GSE1: variants seen among roughly 807,000 people sequenced by gnomAD.
GSE1 encodes the protein Gse1 coiled-coil protein, also known as genetic suppressor element 1.
A neutral mutation model predicts 112.6 loss-of-function variants in GSE1; 32 were observed. That is an observed-to-expected ratio of 0.28 (90% CI 0.21 to 0.38). The LOEUF is 0.38. Ranked by LOEUF, GSE1 falls within the 10% of genes least tolerant of loss-of-function variation. GSE1 has a pLI of 1.00. For missense variants in GSE1, 2,348 were observed against 1,699.2 expected, an observed-to-expected ratio of 1.38 and a Z score of -6.71; for synonymous variants, 1,115 against 735.6, an observed-to-expected ratio of 1.52 and a Z score of -8.35.
rs78265480 is a variant in GSE1 at position 85,432,936 on chromosome 16, A to G, written c.2464+75293A>G. On this transcript the variant is annotated intron_variant, in intron 2 of 2. Transcript: ENST00000637419. ...TCCAGGACTTACTGGGGTGGCAGAT[A>G]GGGACTGATCTGGCATCCAGAGGCC... Among the ~76,000 whole-genome samples, 450 of 152,194 alleles carry G rather than the reference A, an allele frequency of 3.0e-3. 4 individuals carry two copies. The highest frequency in any genetic ancestry group is 0.01 in the African/African-American group (430 of 41,498).
rs117021414 is a variant in GSE1, at chr16:85,246,110, A to C, written c.2283+74303A>C. Among the ~76,000 whole-genome samples, 1,424 of 151,568 alleles carry C rather than the reference A, an allele frequency of 9.4e-3. 9 individuals carry two copies. The highest frequency in any genetic ancestry group is 0.015 in the Non-Finnish European group (1,002 of 67,838). On this transcript the variant is annotated intron_variant, in intron 1 of 2. Coordinates refer to the GSE1 transcript ENST00000637419. ...TGAGTTGCAGGAAACCTGAGACCAC[A>C]CACACTAGCACCCGTGTTTTCCTGG...
rs2046719732 is a variant in GSE1 at position 85,345,665 on chromosome 16, C to T, written c.2284-11798C>T. Among the ~76,000 whole-genome samples, 3 of 152,170 alleles carry T rather than the reference C, an allele frequency of 2.0e-5. No individual in the cohort carries two copies. In the South Asian group the frequency reaches 6.2e-4, roughly 32 times the overall value. ...TCCATCCTGTTCTTGTGCTGTTTGTCCTTATGGCACTTCCTACTGATGGAC... is the reference window on the plus strand; with the variant it reads ...TCCATCCTGTTCTTGTGCTGTTTGTTCTTATGGCACTTCCTACTGATGGAC... On this transcript the variant is annotated intron_variant, in intron 1 of 2. Transcript: ENST00000637419.
At chr16:85,533,222 G>A (rs1387760747) in intron 2 of GSE1, among the ~76,000 whole-genome samples, 2 of 150,890 alleles carry the variant, frequency 1.3e-5, no homozygotes, top group Non-Finnish European at 2.9e-5. Flanking sequence ...AGACCAGCCT[G>A]ACCATGGCGA....
chr16:85,509,968 T>A (rs559161637), intron 2 of GSE1, among the ~76,000 whole-genome samples: 2 of 152,332 alleles, frequency 1.3e-5, no homozygotes, highest in Non-Finnish European at 2.9e-5. Flanking sequence ...CACAAATTTT[T>A]GCCGGATTTG....
intron 2 of GSE1, among the ~76,000 whole-genome samples, chr16:85,639,384 A>T (rs76093689): frequency 0.011 from 1,693 of 152,164 alleles, 35 homozygotes; most frequent in African/African-American, 0.038. Flanking sequence ...AACCACCCCC[A>T]TAGGCATCTG....
Position 85,671,025 on chromosome 16 carries a change from C to G in GSE1, c.3446C>G (p.Thr1149Arg), listed in dbSNP as rs756770444. ...EQNLERQVLQTQCRRLEARHY... is the reference protein window; with the variant it reads ...EQNLERQVLQRQCRRLEARHY... ...AATCTGGAGCGGCAGGTGTTACAGA[C>G]ACAATGTAGACGACTGGAGGCCCGG... is the stretch of plus-strand genomic sequence containing the variant. Residue 1149 changes from threonine to arginine, a missense_variant, in exon 15 of 16, where the codon ACA becomes AGA. Coordinates refer to ENST00000253458, the MANE Select transcript of GSE1 (RefSeq NM_014615.5). The G allele has an allele frequency of 1.1e-5, 17 of 1,611,706 alleles. No individual in the cohort carries two copies. Among genetic ancestry groups the G allele is most frequent in the African/African-American group, 2.7e-5 (2 of 74,856 alleles).
chr16:85,663,739 A>C, intron 11 of GSE1, 125 bp downstream of exon 11: 3 of 946,010 alleles, frequency 3.2e-6, no homozygotes, highest in African/African-American at 1.7e-5. Flanking sequence ...CTGCCCCTTT[A>C]CTCCTCCCGG....
intron 2 of GSE1, among the ~76,000 whole-genome samples, chr16:85,516,738 G>A (rs908195027): frequency 1.3e-5 from 2 of 151,706 alleles, no homozygotes; most frequent in Non-Finnish European, 2.9e-5. Flanking sequence ...GGTATTCGTA[G>A]CGTTACCTAC....
chr16:85,383,424 T>C (rs1393497559), intron 2 of GSE1, among the ~76,000 whole-genome samples: 1 of 151,762 alleles, frequency 6.6e-6, no homozygotes, highest in Non-Finnish European at 1.5e-5. Context: ...ACACAGCCTC[T>C]GTACATAGAT....
intron 1 of GSE1, among the ~76,000 whole-genome samples, chr16:85,207,195 G>A (rs1431554940): frequency 1.3e-5 from 2 of 152,088 alleles, no homozygotes; most frequent in African/African-American, 4.8e-5. Context: ...GGACCCCCCC[G>A]TCCTCCCAAG....
At chr16:85,369,428 C>T (rs2047249702) in intron 2 of GSE1, among the ~76,000 whole-genome samples, 1 of 152,092 alleles carries the variant, frequency 6.6e-6, no homozygotes, top group Non-Finnish European at 1.5e-5. Flanking sequence ...GTTGTGCAGG[C>T]TGGTCTCAAA....
At chr16:85,337,431 G>A (rs1033316956) in intron 1 of GSE1, among the ~76,000 whole-genome samples, 7 of 150,736 alleles carry the variant, frequency 4.6e-5, no homozygotes, top group African/African-American at 1.5e-4. Context: ...TCAGCCTCCT[G>A]AGTAGCTGGG....
At position 85,642,921 on chromosome 16, in the gene GSE1, G is replaced by A. The variant is rs867041489; in HGVS notation, c.227-5631G>A. ...GCCTGACCACGGTGAGGCCACGCCCGCCTCGGTCTACAGTGCGCTGGAGAG... is the reference window on the plus strand; with the variant it reads ...GCCTGACCACGGTGAGGCCACGCCCACCTCGGTCTACAGTGCGCTGGAGAG... On this transcript the variant is annotated intron_variant, in intron 2 of 15. Coordinates refer to ENST00000253458, the MANE Select transcript of GSE1 (RefSeq NM_014615.5). Among the ~76,000 whole-genome samples the A allele has an allele frequency of 9.9e-5, 15 of 152,158 alleles. No individual in the cohort carries two copies. The East Asian group carries it at 1.2e-3, about 12-fold the overall frequency.
At chr16:85,609,648 A>AGT (rs942759694), upstream of GSE1, among the ~76,000 whole-genome samples, 10 of 151,814 alleles carry the variant, frequency 6.6e-5, no homozygotes, top group African/African-American at 2.2e-4. Flanking sequence ...TGAGATGGAA[A>AGT]GCTTTCTTTT....
At position 85,336,414 on chromosome 16, in the gene GSE1, G is replaced by A. The variant is rs183454318; in HGVS notation, c.2284-21049G>A. The stretch of plus-strand genomic sequence containing the variant: ...TTGAAGACAGAGCTTCAGAGATGCC[G>A]ACCAGTCGGTGGCGTTCAGCACAGA... On this transcript the variant is annotated intron_variant, in intron 1 of 2. Transcript: ENST00000637419. 1.1e-3 allele frequency among the ~76,000 whole-genome samples: 164 copies of A among 152,318 alleles called. 1 individual carries two copies. Among genetic ancestry groups the A allele is most frequent in the African/African-American group, 3.8e-3 (160 of 41,566 alleles).
chr16:85,219,572 A>C (rs1028469087), intron 1 of GSE1, among the ~76,000 whole-genome samples: 6 of 152,198 alleles, frequency 3.9e-5, no homozygotes, highest in African/African-American at 1.4e-4. Flanking sequence ...CACTCACTGC[A>C]CGGCCCAGAA....
intron 2 of GSE1, among the ~76,000 whole-genome samples, chr16:85,489,315 G>A (rs1472214048): frequency 2.6e-5 from 4 of 151,878 alleles, no homozygotes; most frequent in Non-Finnish European, 4.4e-5. Flanking sequence ...TCTGAGCAAC[G>A]TCCCTGCCAC....
chr16:85,218,006 T>G (rs573924870), intron 1 of GSE1, among the ~76,000 whole-genome samples: 24 of 152,266 alleles, frequency 1.6e-4, no homozygotes, highest in African/African-American at 5.3e-4. Context: ...GTTCAAGCAA[T>G]TATCGTGCCT....
chr16:85,377,861 C>G (rs1272071689), intron 2 of GSE1, among the ~76,000 whole-genome samples: 1 of 152,246 alleles, frequency 6.6e-6, no homozygotes. Flanking sequence ...CATGGGCCCC[C>G]AATCCTCGTC....
Sources: gnomAD v4.1 joint callset for allele counts (sites outside exome capture counted in the v4.1 genomes callset) on GRCh38, gnomAD v4.1.1 for gene constraint, MANE v1.5 for transcripts, NCBI Gene and HGNC (gene_info 2026-07-23, HGNC 2026-07-21) for gene names.